The following GNB1L variants were observed in gnomAD, a reference collection of about 807,000 sequenced individuals.
GNB1L encodes the protein G protein subunit beta 1 like, also known as guanine nucleotide-binding protein subunit beta-like protein 1.
In GNB1L, 20 loss-of-function variants were observed where a neutral mutation model predicts 29.1. The ratio of observed to expected loss-of-function variants is 0.69; its 90% CI spans 0.48 to 1.00. The LOEUF (loss-of-function observed/expected upper bound fraction) is 1.00. Ranked by LOEUF, GNB1L falls within the 50% of genes least tolerant of loss-of-function variation. The pLI is 0.00. For missense variants in GNB1L, 421 were observed against 464.9 expected (o/e 0.91, Z 0.87); for synonymous variants, 193 against 206.5 (o/e 0.93, Z 0.56).
chr22:19,804,041 C>G (rs1443369244), intron 6 of GNB1L, among the ~76,000 whole-genome samples: 1 of 152,260 alleles, frequency 6.6e-6, no homozygotes, highest in Non-Finnish European at 1.5e-5. Context: ...TGTCGTGGTG[C>G]CACAGGGTGG....
Position 19,812,412 on chromosome 22 carries a change from A to G in GNB1L, c.290T>C (p.Leu97Pro). ...CACGACAGCGCTCCTGCCCTCCGCGAGGTCCCACAGGCACAGCTTCAGGTC... is the reference window on the plus strand; with the variant it reads ...CACGACAGCGCTCCTGCCCTCCGCGGGGTCCCACAGGCACAGCTTCAGGTC... ...GRDLKLCLWD[L>P]AEGRSAVVDS... Residue 97 changes from leucine to proline, a missense_variant, in exon 5 of 8, where the codon CTC (leucine) becomes CCC (proline). Leu to Pro is a moderately conservative substitution (Grantham distance 98). Coordinates refer to ENST00000329517, the MANE Select transcript of GNB1L (RefSeq NM_053004.3). 7 of 1,613,330 alleles carry G rather than the reference A, an allele frequency of 4.3e-6. No homozygotes were observed. The highest frequency in any genetic ancestry group is 5.1e-6 in the Non-Finnish European group (6 of 1,179,852).
intron 5 of GNB1L, among the ~76,000 whole-genome samples, chr22:19,808,343 G>C (rs1477360032): frequency 6.6e-6 from 1 of 152,210 alleles, no homozygotes; most frequent in Admixed American, 6.5e-5. Context: ...GGGCCCCCGG[G>C]GAACAAACAG....
rs192071023 is a variant in GNB1L at position 19,791,367 on chromosome 22, T to C, written c.733-2407A>G. On this transcript the variant is annotated intron_variant, in intron 7 of 7. Transcript: ENST00000329517. ...CTAGTCTTCTTGCTGTAAACAACCA[T>C]AAAAAGTGGACAAAATACACAAGGC... Among the ~76,000 whole-genome samples, 242 of 152,226 alleles carry C rather than the reference T, an allele frequency of 1.6e-3. 1 individual carries two copies. The highest frequency in any genetic ancestry group is 4.5e-3 in the Admixed American group (69 of 15,300).
intron 2 of GNB1L, chr22:19,851,036 G>T: frequency 6.9e-7 from 1 of 1,444,592 alleles, no homozygotes; most frequent in Non-Finnish European, 9.1e-7. Context: ...CAAAACAAGC[G>T]CATCTTGCCC....
At chr22:19,847,352 T>C (rs1388352429) in intron 2 of GNB1L, 2 of 985,340 alleles carry the variant, frequency 2.0e-6, no homozygotes, top group Non-Finnish European at 2.4e-6. Flanking sequence ...TTTATTTGCC[T>C]TGCTCCTTTA....
intron 6 of GNB1L, among the ~76,000 whole-genome samples, chr22:19,803,170 T>C (rs1027427822): frequency 3.3e-5 from 5 of 152,188 alleles, no homozygotes; most frequent in African/African-American, 1.2e-4. Flanking sequence ...GGGATGGCCA[T>C]GCCAGGGACA....
chr22:19,797,975 G>A (rs761322574), intron 7 of GNB1L, among the ~76,000 whole-genome samples: 22 of 152,280 alleles, frequency 1.4e-4, no homozygotes, highest in Admixed American at 7.8e-4. Flanking sequence ...TATCCTGCCT[G>A]TGCACACACA....
intron 7 of GNB1L, among the ~76,000 whole-genome samples, chr22:19,796,938 G>T (rs530209985): frequency 1.3e-5 from 2 of 152,160 alleles, no homozygotes; most frequent in African/African-American, 4.8e-5. Context: ...AAGCAGGGAC[G>T]GAGCTTTGAA....
intron 2 of GNB1L, among the ~76,000 whole-genome samples, chr22:19,842,846 G>A (rs1309819754): frequency 6.6e-6 from 1 of 152,180 alleles, no homozygotes; most frequent in Non-Finnish European, 1.5e-5. Flanking sequence ...AGCTCAAGCT[G>A]GCCACACAGC....
chr22:19,803,471 C>T (rs1247255802), intron 6 of GNB1L, among the ~76,000 whole-genome samples: 1 of 152,164 alleles, frequency 6.6e-6, no homozygotes, highest in East Asian at 1.9e-4. Context: ...CGAGTGTACT[C>T]AGCCCCCTGC....
Position 19,786,530 on chromosome 22 carries a change from T to C in GNB1L, c.*2179A>G, listed in dbSNP as rs1361011466. 6.6e-6 allele frequency: 1 copy of C among 152,282 alleles called. No individual in the cohort carries two copies. Among genetic ancestry groups the C allele is most frequent in the Non-Finnish European group, 1.5e-5 (1 of 68,120 alleles). The allele number at this position is 152,282 out of a possible 1,614,324, so 9.4% of individuals were successfully genotyped here. On this transcript the variant is annotated 3_prime_UTR_variant, in exon 8 of 8. Coordinates refer to ENST00000329517, the MANE Select transcript of GNB1L (RefSeq NM_053004.3). ...ATACCCACCTCGTGGCTGTGGGACG[T>C]AGGGAGTTTTGTAACTACAGTGATG...
chr22:19,828,993 G>A (rs750950203), intron 2 of GNB1L, among the ~76,000 whole-genome samples: 2 of 152,110 alleles, frequency 1.3e-5, no homozygotes, highest in Non-Finnish European at 2.9e-5. Flanking sequence ...CACAGTGCCC[G>A]GCTAATTTCT....
At chr22:19,811,330 G>A (rs1483704051) in intron 5 of GNB1L, among the ~76,000 whole-genome samples, 9 of 152,170 alleles carry the variant, frequency 5.9e-5, no homozygotes, top group South Asian at 2.1e-4. Flanking sequence ...AGCGAATGGG[G>A]AGGACTCGGC....
At chr22:19,815,677 C>T (rs1355920488) in intron 4 of GNB1L, among the ~76,000 whole-genome samples, 3 of 152,046 alleles carry the variant, frequency 2.0e-5, no homozygotes, top group Non-Finnish European at 2.9e-5. Flanking sequence ...CAAACTCCTC[C>T]CTCAGATGAT....
chr22:19,831,515 C>A (rs777627448), intron 2 of GNB1L, among the ~76,000 whole-genome samples: 57 of 151,648 alleles, frequency 3.8e-4, no homozygotes, highest in South Asian at 8.3e-4. Context: ...CACGGTGAAA[C>A]CCCATCTCTA....
intron 2 of GNB1L, among the ~76,000 whole-genome samples, chr22:19,852,724 G>GTTCT (rs1203671420): frequency 4.3e-4 from 66 of 152,296 alleles, no homozygotes; most frequent in African/African-American, 1.4e-3. Context: ...GGCCAGATCA[G>GTTCT]AACTGTCAGG....
intron 7 of GNB1L, chr22:19,792,749 T>G: frequency 6.6e-6 from 10 of 1,504,326 alleles, no homozygotes; most frequent in Non-Finnish European, 5.5e-6. Flanking sequence ...ACAAGAAAGC[T>G]CAGCTGGTGG....
At chr22:19,837,033 C>T (rs556012347) in intron 2 of GNB1L, among the ~76,000 whole-genome samples, 3 of 150,366 alleles carry the variant, frequency 2.0e-5, no homozygotes, top group South Asian at 4.2e-4. Flanking sequence ...GTGGCGCGAT[C>T]TCGGCTCACT....
At chr22:19,848,723 A>C (rs1006515037) in intron 2 of GNB1L, 1 of 985,402 alleles carries the variant, frequency 1.0e-6, no homozygotes, top group South Asian at 4.7e-5. Context: ...ACGGCAGACC[A>C]TAACTCACAC....
Sources: allele counts gnomAD v4.1 joint callset (sites outside exome capture counted in the v4.1 genomes callset), GRCh38; gene constraint gnomAD v4.1.1; transcripts MANE v1.5; gene names NCBI Gene and HGNC (gene_info 2026-07-23, HGNC 2026-07-21).